The following RAB22A variants were observed in gnomAD, a reference collection of about 807,000 sequenced individuals.
RAB22A encodes the protein RAB22A, member RAS oncogene family.
A neutral mutation model predicts 30.2 loss-of-function variants in RAB22A; 13 were observed. The observed-to-expected ratio is 0.43, with a 90% CI of 0.28 to 0.68. RAB22A has a LOEUF of 0.68. RAB22A is among the 30% of genes least tolerant of loss of function. RAB22A has a pLI of 0.18. For synonymous variants in RAB22A, 89 were observed against 87.2 expected (o/e 1.02, Z -0.11); for missense variants, 177 against 246.8 (o/e 0.72, Z 1.89).
chr20:58,324,059 A>C (rs1347791518), intron 2 of RAB22A, among the ~76,000 whole-genome samples: 1 of 152,144 alleles, frequency 6.6e-6, no homozygotes, highest in African/African-American at 2.4e-5. Context: ...TATAATGTGC[A>C]TGTCAGATTT....
Position 58,363,374 on chromosome 20 carries a change from C to G in RAB22A, c.*3671C>G, listed in dbSNP as rs1350845254. On this transcript the variant is annotated 3_prime_UTR_variant, in exon 7 of 7. Transcript: ENST00000244040. ...TGTTACTTAAGTAACGGATGAGCCCCCCTAAACATCCACGTGTCTCTGCAG... is the reference window on the plus strand; with the variant it reads ...TGTTACTTAAGTAACGGATGAGCCCGCCTAAACATCCACGTGTCTCTGCAG... 2 of 152,114 alleles carry G rather than the reference C, an allele frequency of 1.3e-5. No homozygotes were observed. Among genetic ancestry groups the G allele is most frequent in the African/African-American group, 4.8e-5 (2 of 41,408 alleles). The allele number at this position is 152,114 out of a possible 1,614,324, so 9.4% of individuals were successfully genotyped here.
In RAB22A at chr20:58,353,345, G is replaced by GT; in HGVS notation, c.270+2dup. 6.2e-7 allele frequency: 1 copy of GT among 1,613,416 alleles called. No individual in the cohort carries two copies. The highest frequency in any genetic ancestry group is 8.5e-7 in the Non-Finnish European group (1 of 1,179,408). On this transcript the variant is annotated splice_donor_variant, in intron 4 of 6. Transcript: ENST00000244040. LOFTEE classifies it high-confidence loss of function. ...AATCGTTTATGATATCACAAAAGAA[G>GT]TAAGACTATATAGTTTTCTTTAGAT...
At chr20:58,317,933 G>A (rs1986376387) in intron 2 of RAB22A, among the ~76,000 whole-genome samples, 1 of 152,152 alleles carries the variant, frequency 6.6e-6, no homozygotes, top group African/African-American at 2.4e-5. Context: ...TGAGCTCAGT[G>A]CAGCATCAAA....
chr20:58,319,240 A>G (rs767458015), intron 2 of RAB22A, among the ~76,000 whole-genome samples: 1 of 152,252 alleles, frequency 6.6e-6, no homozygotes, highest in African/African-American at 2.4e-5. Context: ...TTCTAGAACA[A>G]CATTGGACAT....
At chr20:58,328,554 T>C (rs915908714) in intron 2 of RAB22A, among the ~76,000 whole-genome samples, 1 of 152,178 alleles carries the variant, frequency 6.6e-6, no homozygotes, top group African/African-American at 2.4e-5. Context: ...GCTATTTTAC[T>C]GTATTTCCCG....
chr20:58,359,697 C>T lies in RAB22A; in HGVS notation c.579C>T (p.Cys193=). Reference sequence around the variant, plus strand: ...AGCCTTCAGAGCCAAAGCGGAGCTGCTGCTGACCGAACCTCAGCCTCTCAG... The same window carrying T: ...AGCCTTCAGAGCCAAAGCGGAGCTGTTGCTGACCGAACCTCAGCCTCTCAG... ...RRQPSEPKRS[C]C The change falls in exon 7 of 7, where the codon TGC becomes TGT. Residue 193 remains cysteine, a synonymous_variant. Transcript: ENST00000244040. 6.2e-7 allele frequency: 1 copy of T among 1,607,568 alleles called. No homozygotes were observed. Among genetic ancestry groups the T allele is most frequent in the Non-Finnish European group, 8.5e-7 (1 of 1,174,328 alleles).
intron 5 of RAB22A, 104 bp from the exon 6 acceptor site, chr20:58,354,052 A>T: frequency 1.4e-6 from 1 of 708,568 alleles, no homozygotes; most frequent in Non-Finnish European, 2.4e-6. Context: ...GCAGCCATTT[A>T]GTCCATCCTT....
chr20:58,343,938 C>T lies in RAB22A; in HGVS notation c.198+139C>T, dbSNP rs538741510. 4.0e-5 allele frequency: 29 copies of T among 726,736 alleles called. No homozygotes were observed. The East Asian group carries it at 7.7e-4, about 19-fold the overall frequency. The allele number at this position is 726,736 out of a possible 1,614,324, so 45.0% of individuals were successfully genotyped here. ...CACATTTATTTCCATTTGCGTAGGC[C>T]AGCCTTTGCCTTTGCCTTTTCAATT... On this transcript the variant is annotated intron_variant, in intron 3 of 6. Coordinates refer to ENST00000244040, the MANE Select transcript of RAB22A (RefSeq NM_020673.3).
intron 2 of RAB22A, among the ~76,000 whole-genome samples, chr20:58,324,273 T>C (rs1400492796): frequency 6.6e-6 from 1 of 151,210 alleles, no homozygotes; most frequent in Non-Finnish European, 1.5e-5. Flanking sequence ...TCAGATTTTC[T>C]ATTTCTCTTG....
At chr20:58,358,912 A>G (rs939451032) in intron 6 of RAB22A, among the ~76,000 whole-genome samples, 5 of 150,714 alleles carry the variant, frequency 3.3e-5, no homozygotes, top group Admixed American at 6.6e-5. Context: ...AAAAAAAAAA[A>G]GGTGACGGCT....
At chr20:58,341,440 A>C (rs1390384505) in intron 2 of RAB22A, among the ~76,000 whole-genome samples, 1 of 152,160 alleles carries the variant, frequency 6.6e-6, no homozygotes, top group Non-Finnish European at 1.5e-5. Context: ...GGTGGTTGAG[A>C]CAAGACAGGC....
In RAB22A at chr20:58,354,148, C is replaced by G; in HGVS notation, c.378-8C>G. The G allele has an allele frequency of 6.2e-7, 1 of 1,601,484 alleles. No individual in the cohort carries two copies. The highest frequency in any genetic ancestry group is 8.5e-7 in the Non-Finnish European group (1 of 1,170,182). Reference sequence around the variant, plus strand: ...TAGAATTTCTGATATGTAGTTGTTGCCTTCCAGAGAAGTCATGGAGAGAGA... The same window carrying G: ...TAGAATTTCTGATATGTAGTTGTTGGCTTCCAGAGAAGTCATGGAGAGAGA... On this transcript the variant is annotated splice_region_variant and splice_polypyrimidine_tract_variant and intron_variant, in intron 5 of 6. Coordinates refer to ENST00000244040, the MANE Select transcript of RAB22A (RefSeq NM_020673.3).
chr20:58,365,184 G>A lies in RAB22A; in HGVS notation c.*5481G>A, dbSNP rs1257854850. 1.3e-5 allele frequency: 2 copies of A among 152,188 alleles called. No homozygotes were observed. Among genetic ancestry groups the A allele is most frequent in the Admixed American group, 6.5e-5 (1 of 15,274 alleles). The allele number at this position is 152,188 out of a possible 1,614,324, so 9.4% of individuals were successfully genotyped here. ...TTGTTTGGGGAAGCTTTTGAATGCA[G>A]TACTGTGGAGGAAATCATCCTTAAA... On this transcript the variant is annotated 3_prime_UTR_variant, in exon 7 of 7. Coordinates refer to ENST00000244040, the MANE Select transcript of RAB22A (RefSeq NM_020673.3).
chr20:58,346,433 C>T (rs942143451), intron 3 of RAB22A, among the ~76,000 whole-genome samples: 1 of 152,208 alleles, frequency 6.6e-6, no homozygotes, highest in Non-Finnish European at 1.5e-5. Context: ...CACTCCTTGG[C>T]CTCATGCCTC....
chr20:58,325,165 G>C (rs535135052), intron 2 of RAB22A, among the ~76,000 whole-genome samples: 81 of 136,792 alleles, frequency 5.9e-4, no homozygotes, highest in African/African-American at 2.2e-3. Flanking sequence ...GACAGAGCGA[G>C]ACTCCATCTC....
intron 2 of RAB22A, among the ~76,000 whole-genome samples, chr20:58,316,372 T>C (rs1407356400): frequency 6.6e-6 from 1 of 152,154 alleles, no homozygotes; most frequent in Admixed American, 6.5e-5. Flanking sequence ...TGAGGTAGAC[T>C]CCTGCCCATT....
chr20:58,342,173 T>C (rs528969026), intron 2 of RAB22A, among the ~76,000 whole-genome samples: 62 of 152,352 alleles, frequency 4.1e-4, no homozygotes, highest in Non-Finnish European at 6.5e-4. Flanking sequence ...TACATCCTGA[T>C]TTAATCATAG....
chr20:58,338,852 C>G (rs1417230715), intron 2 of RAB22A, among the ~76,000 whole-genome samples: 1 of 152,146 alleles, frequency 6.6e-6, no homozygotes, highest in Non-Finnish European at 1.5e-5. Flanking sequence ...ATCCAGAGAT[C>G]CAAGGGTTGT....
chr20:58,352,488 A>G (rs747227111), intron 3 of RAB22A, among the ~76,000 whole-genome samples: 4 of 152,224 alleles, frequency 2.6e-5, no homozygotes, highest in South Asian at 4.1e-4. Context: ...AGTTGGTGAG[A>G]TGCTCACATA....
Sources: gnomAD v4.1 joint callset for allele counts (sites outside exome capture counted in the v4.1 genomes callset) on GRCh38, gnomAD v4.1.1 for gene constraint, MANE v1.5 for transcripts, NCBI Gene and HGNC (gene_info 2026-07-23, HGNC 2026-07-21) for gene names.